METTL8: variants seen among roughly 807,000 people sequenced by gnomAD.
METTL8 encodes the protein methyltransferase 8, tRNA N3-cytidine, also known as tRNA N(3)-cytidine methyltransferase METTL8, mitochondrial.
In METTL8, 32 loss-of-function variants were observed where a neutral mutation model predicts 48.7. The observed-to-expected ratio is 0.66, with a 90% confidence interval of 0.50 to 0.88. The LOEUF is 0.88. Ranked by LOEUF, METTL8 falls within the 40% of genes least tolerant of loss-of-function variation. The pLI is 0.00. For missense variants in METTL8, 464 were observed against 474.4 expected (o/e 0.98, Z 0.20); for synonymous variants, 136 against 157.1 (o/e 0.87, Z 1.01).
At chr2:171,350,808 T>C (rs1683830126) in intron 3 of METTL8, among the ~76,000 whole-genome samples, 1 of 152,078 alleles carries the variant, frequency 6.6e-6, no homozygotes, top group Admixed American at 6.6e-5. Context: ...TTTGATGGGG[T>C]TGTTTGATTT....
rs1684612747 is a variant in METTL8, at chr2:171,323,084, A to C, written c.*1088T>G. On this transcript the variant is annotated 3_prime_UTR_variant, in exon 10 of 10. Coordinates refer to ENST00000375258, the MANE Select transcript of METTL8 (RefSeq NM_001321154.2). ...GACCTGTATCTTGTACTGACTTCCTATCTCATCCTGTGACTAAGAATGTCT... is the reference window on the plus strand; with the variant it reads ...GACCTGTATCTTGTACTGACTTCCTCTCTCATCCTGTGACTAAGAATGTCT... 1 of 152,090 alleles carries C rather than the reference A, an allele frequency of 6.6e-6. No homozygotes were observed. The highest frequency in any genetic ancestry group is 6.6e-5 in the Admixed American group (1 of 15,266). The allele number at this position is 152,090 out of a possible 1,614,324, so 9.4% of individuals were successfully genotyped here. A position where few individuals can be genotyped will look rare whatever the true frequency, so the allele number is the denominator to read the frequency against.
rs1684438237 is a variant in METTL8, at chr2:171,319,742, T to G, written c.*4430A>C. On this transcript the variant is annotated 3_prime_UTR_variant, in exon 10 of 10. Coordinates refer to ENST00000375258, the MANE Select transcript of METTL8 (RefSeq NM_001321154.2). ...CTTTTAATAATAGAAACTGTTATCT[T>G]GACTTTCTCACAACCTTCGGAAACA... The G allele has an allele frequency of 6.6e-6, 1 of 152,228 alleles. No individual in the cohort carries two copies. The highest frequency in any genetic ancestry group is 6.5e-5 in the Admixed American group (1 of 15,286). 9.4% of individuals were successfully genotyped at this position (152,228 alleles called of 1,614,324 possible). A position where few individuals can be genotyped will look rare whatever the true frequency, so the allele number is the denominator to read the frequency against.
At chr2:171,395,903 T>C (rs974469149) in intron 1 of METTL8, among the ~76,000 whole-genome samples, 1 of 152,160 alleles carries the variant, frequency 6.6e-6, no homozygotes, top group Admixed American at 6.6e-5. Context: ...AGAATACACA[T>C]TCTTTTCAAA....
chr2:171,422,000 A>G (rs1691921910), intron 1 of METTL8, among the ~76,000 whole-genome samples: 1 of 152,234 alleles, frequency 6.6e-6, no homozygotes, highest in Admixed American at 6.5e-5. Flanking sequence ...TAAAAGGTAT[A>G]TGAAAGTGTC....
intron 3 of METTL8, among the ~76,000 whole-genome samples, chr2:171,348,870 A>G (rs182494219): frequency 4.7e-4 from 72 of 152,346 alleles, no homozygotes; most frequent in Non-Finnish European, 8.8e-4. Flanking sequence ...TAAGAAAAAT[A>G]AGGCAGAAAG....
intron 3 of METTL8, among the ~76,000 whole-genome samples, chr2:171,351,572 C>A (rs1020762275): frequency 8.2e-4 from 125 of 151,936 alleles, no homozygotes; most frequent in Non-Finnish European, 1.6e-3. Flanking sequence ...CATTTTCATG[C>A]TATTGATTCT....
At chr2:171,410,755 G>A (rs1690667841) in intron 1 of METTL8, among the ~76,000 whole-genome samples, 1 of 152,132 alleles carries the variant, frequency 6.6e-6, no homozygotes, top group African/African-American at 2.4e-5. Flanking sequence ...TGCCATACAT[G>A]TATAAACTCC....
rs767868211 is a variant in METTL8 at position 171,325,840 on chromosome 2, C to T, written c.1033+1G>A. The T allele has an allele frequency of 1.9e-6, 3 of 1,551,396 alleles. No individual in the cohort carries two copies. The highest frequency in any genetic ancestry group is 1.2e-5 in the South Asian group (1 of 85,310). On this transcript the variant is annotated splice_donor_variant, in intron 9 of 9. Coordinates refer to ENST00000375258, the MANE Select transcript of METTL8 (RefSeq NM_001321154.2). LOFTEE classifies it high-confidence loss of function. ...TTATTTCCTTTTGTAGATTAGCATA[C>T]CTTTTGTAAAGAAATATGCTCTGGT...
At chr2:171,426,375 A>G (rs975541984) in intron 1 of METTL8, among the ~76,000 whole-genome samples, 11 of 152,208 alleles carry the variant, frequency 7.2e-5, no homozygotes, top group Admixed American at 7.2e-4. Context: ...AAAACATTTA[A>G]AACAATTTTT....
At chr2:171,342,627 A>C (rs920985029) in intron 3 of METTL8, among the ~76,000 whole-genome samples, 1 of 150,236 alleles carries the variant, frequency 6.7e-6, no homozygotes, top group Non-Finnish European at 1.5e-5. Flanking sequence ...AAAAAAAAAA[A>C]CTCTCTTTGT....
At chr2:171,335,922 T>C (rs1255330889) in intron 5 of METTL8, among the ~76,000 whole-genome samples, 2 of 152,078 alleles carry the variant, frequency 1.3e-5, no homozygotes, top group East Asian at 1.9e-4. Flanking sequence ...GGAAAAATAA[T>C]GTGAACTTAA....
chr2:171,345,787 A>G (rs1292589039), intron 3 of METTL8, among the ~76,000 whole-genome samples: 1 of 152,206 alleles, frequency 6.6e-6, no homozygotes, highest in African/African-American at 2.4e-5. Context: ...GACTCATTAC[A>G]TTTGCTAAAT....
chr2:171,404,280 A>C (rs1006370646), intron 1 of METTL8, among the ~76,000 whole-genome samples: 2 of 151,786 alleles, frequency 1.3e-5, no homozygotes, highest in African/African-American at 4.8e-5. Context: ...ACGTGATAAG[A>C]TGCAGTGAGG....
intron 1 of METTL8, among the ~76,000 whole-genome samples, chr2:171,402,137 T>C (rs753549748): frequency 9.9e-5 from 15 of 152,112 alleles, no homozygotes; most frequent in Admixed American, 1.3e-4. Context: ...GTGCTGGGTA[T>C]AGAAGAATGA....
intron 8 of METTL8, 65 bp downstream of exon 8, chr2:171,325,977 G>T: frequency 1.5e-6 from 2 of 1,351,082 alleles, no homozygotes; most frequent in Admixed American, 2.0e-5. Context: ...ATACTTTGAT[G>T]TGAAATATAA....
chr2:171,361,705 C>T (rs147961803), intron 2 of METTL8, among the ~76,000 whole-genome samples: 6 of 152,216 alleles, frequency 3.9e-5, no homozygotes, highest in Admixed American at 1.3e-4. Flanking sequence ...AGTGGCAGAA[C>T]CAGAATTCAC....
chr2:171,339,494 T>C lies in METTL8; in HGVS notation c.296A>G (p.Lys99Arg). ...CAGCCAATTACGATCCTTGAAAAAC[T>C]TATTCTTATGAATCTTGTAAAATGT... The part of the protein sequence containing the change: ...WDTFYKIHKN[K>R]FFKDRNWLLR... Residue 99 changes from lysine to arginine, a missense_variant, in exon 4 of 10, where the codon AAG (lysine) becomes AGG (arginine). Transcript: ENST00000375258. 1 of 1,611,438 alleles carries C rather than the reference T, an allele frequency of 6.2e-7. No homozygotes were observed. Among genetic ancestry groups the C allele is most frequent in the Non-Finnish European group, 8.5e-7 (1 of 1,177,994 alleles).
At chr2:171,331,118 T>C (rs1393194378) in intron 6 of METTL8, among the ~76,000 whole-genome samples, 1 of 152,162 alleles carries the variant, frequency 6.6e-6, no homozygotes, top group Non-Finnish European at 1.5e-5. Flanking sequence ...TGGCCTTTCT[T>C]TCTTTCTTTT....
In METTL8 at chr2:171,335,129, A is replaced by C. The variant is rs1200923804; in HGVS notation, c.656+2324T>G. 2.6e-5 allele frequency among the ~76,000 whole-genome samples: 4 copies of C among 152,202 alleles called. No homozygotes were observed. The East Asian group carries it at 7.7e-4, about 29-fold the overall frequency. Reference sequence around the variant, plus strand: ...AAATTTCAGCCCAGAAACTAGAAAAAGGAAAACAAAACTAACAAAGACACA... The same window carrying C: ...AAATTTCAGCCCAGAAACTAGAAAACGGAAAACAAAACTAACAAAGACACA... On this transcript the variant is annotated intron_variant, in intron 5 of 9. Coordinates refer to ENST00000375258, the MANE Select transcript of METTL8 (RefSeq NM_001321154.2).
Sources: allele counts gnomAD v4.1 joint callset (sites outside exome capture counted in the v4.1 genomes callset), GRCh38; gene constraint gnomAD v4.1.1; transcripts MANE v1.5; gene names NCBI Gene and HGNC (gene_info 2026-07-23, HGNC 2026-07-21).